The following COL19A1 variants were observed in gnomAD, a reference collection of about 807,000 sequenced individuals.
The protein encoded by COL19A1 is collagen alpha-1(XIX) chain.
Under a neutral mutation model 190.2 loss-of-function variants are expected in COL19A1, and 159 were observed. The ratio of observed to expected loss-of-function variants is 0.84; its 90% CI spans 0.73 to 0.95. The LOEUF (loss-of-function observed/expected upper bound fraction) is 0.95. Ranked by LOEUF, COL19A1 falls within the 40% of genes least tolerant of loss-of-function variation. The pLI, the probability that COL19A1 is intolerant of heterozygous loss-of-function variation, is 0.00. For missense variants in COL19A1, 1,418 were observed against 1,431.9 expected (o/e 0.99, Z 0.16); for synonymous variants, 509 against 458.9 (o/e 1.11, Z -1.39).
At chr6:70,170,286 A>G (rs1765420196) in intron 40 of COL19A1, among the ~76,000 whole-genome samples, 1 of 152,130 alleles carries the variant, frequency 6.6e-6, no homozygotes, top group South Asian at 2.1e-4. Flanking sequence ...GGGAAAAATA[A>G]TAGTTCCTGC....
At chr6:70,007,335 A>G (rs2150090765) in intron 11 of COL19A1, among the ~76,000 whole-genome samples, 1 of 152,214 alleles carries the variant, frequency 6.6e-6, no homozygotes, top group African/African-American at 2.4e-5. Context: ...TCTACAAGAG[A>G]TATGGATGAG....
chr6:70,112,410 T>C (rs1456913050), intron 16 of COL19A1, among the ~76,000 whole-genome samples: 2 of 152,192 alleles, frequency 1.3e-5, no homozygotes, highest in Non-Finnish European at 2.9e-5. Context: ...CAAATAATAT[T>C]TTTCCTTTTT....
At chr6:70,161,171 A>G (rs1049339119) in intron 34 of COL19A1, among the ~76,000 whole-genome samples, 1 of 152,182 alleles carries the variant, frequency 6.6e-6, no homozygotes, top group Admixed American at 6.6e-5. Context: ...CCAAATTTAA[A>G]TTCACCAGTG....
rs1766410370 is a variant in COL19A1 at position 70,184,892 on chromosome 6, G to A, written c.2833G>A (p.Asp945Asn). ...TCAGGGCATCATGGGTAAGCCTGGAGACAGAGGCCCCAAAGGAGAACGTGT... is the reference window on the plus strand; with the variant it reads ...TCAGGGCATCATGGGTAAGCCTGGAAACAGAGGCCCCAAAGGAGAACGTGT... ...GAQGIMGKPGDRGPKGERGDQ... is the reference protein window; with the variant it reads ...GAQGIMGKPGNRGPKGERGDQ... The change falls in exon 46 of 51, where the codon GAC (aspartate) becomes AAC (asparagine). Residue 945 changes from aspartate to asparagine, a missense_variant. By Grantham distance (23) the Asp-to-Asn change is conservative. Coordinates refer to ENST00000620364, the MANE Select transcript of COL19A1 (RefSeq NM_001858.6). 3 of 1,613,284 alleles carry A rather than the reference G, an allele frequency of 1.9e-6. No homozygotes were observed. The highest frequency in any genetic ancestry group is 2.5e-6 in the Non-Finnish European group (3 of 1,179,648).
At chr6:70,076,578 G>A (rs1352344718) in intron 15 of COL19A1, among the ~76,000 whole-genome samples, 1 of 152,160 alleles carries the variant, frequency 6.6e-6, no homozygotes, top group Non-Finnish European at 1.5e-5. Flanking sequence ...ACCAGGGGGA[G>A]AGTCAGAACT....
chr6:70,171,768 G>A (rs1282414067), intron 40 of COL19A1, among the ~76,000 whole-genome samples, 196 bp from the exon 41 acceptor site: 2 of 152,150 alleles, frequency 1.3e-5, no homozygotes, highest in African/African-American at 2.4e-5. Context: ...CTGGAGAATA[G>A]CTTTTATTCT....
At chr6:70,078,499 C>A (rs532966171) in intron 15 of COL19A1, among the ~76,000 whole-genome samples, 1 of 152,154 alleles carries the variant, frequency 6.6e-6, no homozygotes. Flanking sequence ...AAGCAAGGGG[C>A]GAGGCTTGCC....
intron 9 of COL19A1, among the ~76,000 whole-genome samples, chr6:69,940,073 T>TG (rs941902314): frequency 6.9e-6 from 1 of 145,846 alleles, no homozygotes; most frequent in Admixed American, 6.8e-5. Flanking sequence ...CCCTGCCCAC[T>TG]GAAAAAAAAA....
chr6:70,166,375 A>G (rs1474964221), intron 37 of COL19A1, among the ~76,000 whole-genome samples: 1 of 152,256 alleles, frequency 6.6e-6, no homozygotes. Flanking sequence ...ATATTATGCT[A>G]TATGTGTTCA....
intron 14 of COL19A1, among the ~76,000 whole-genome samples, chr6:70,043,616 A>G (rs1779748775): frequency 6.6e-6 from 1 of 152,260 alleles, no homozygotes; most frequent in South Asian, 2.1e-4. Flanking sequence ...CATCACCATC[A>G]GAGCCCTTGG....
intron 31 of COL19A1, among the ~76,000 whole-genome samples, chr6:70,152,093 T>TA (rs1787099973): frequency 6.6e-6 from 1 of 151,858 alleles, no homozygotes; most frequent in African/African-American, 2.4e-5. Context: ...TAATGGCACA[T>TA]ATGTAAGGGT....
chr6:70,206,509 G>A (rs758926397), intron 49 of COL19A1, among the ~76,000 whole-genome samples: 43 of 152,084 alleles, frequency 2.8e-4, no homozygotes, highest in Non-Finnish European at 5.0e-4. Context: ...TTGAGTGCTT[G>A]TAATTCCAGC....
rs773982557 is a variant in COL19A1, at chr6:70,166,039, A to G, written c.2445+54A>G. Reference sequence around the variant, plus strand: ...ATTCATGTGTTTACTTAAGACTTTTATAACTCAGAGGTAAGACTACATTTA... The same window carrying G: ...ATTCATGTGTTTACTTAAGACTTTTGTAACTCAGAGGTAAGACTACATTTA... On this transcript the variant is annotated intron_variant, in intron 37 of 50. Coordinates refer to ENST00000620364, the MANE Select transcript of COL19A1 (RefSeq NM_001858.6). 3 of 1,442,298 alleles carry G rather than the reference A, an allele frequency of 2.1e-6. No individual in the cohort carries two copies. In the South Asian group the frequency reaches 3.4e-5, roughly 16 times the overall value. 89.3% of individuals were successfully genotyped at this position (1,442,298 alleles called of 1,614,324 possible).
chr6:69,907,109 T>TATTA (rs199920058), intron 4 of COL19A1, among the ~76,000 whole-genome samples: 1 of 107,936 alleles, frequency 9.3e-6, no homozygotes. Context: ...TTATTATTAT[T>TATTA]TTTTTTTTTT....
chr6:69,870,925 G>A (rs1298312174), intron 1 of COL19A1, among the ~76,000 whole-genome samples: 2 of 152,104 alleles, frequency 1.3e-5, no homozygotes, highest in Non-Finnish European at 2.9e-5. Flanking sequence ...TATGGGGTGA[G>A]GGTGAATAAA....
chr6:70,053,943 T>G (rs1780355631), intron 14 of COL19A1, among the ~76,000 whole-genome samples: 1 of 152,220 alleles, frequency 6.6e-6, no homozygotes, highest in Admixed American at 6.5e-5. Context: ...AAGGATCCAC[T>G]CTGGCATTTT....
intron 4 of COL19A1, among the ~76,000 whole-genome samples, chr6:69,921,623 T>C (rs1223716740): frequency 6.9e-6 from 1 of 144,180 alleles, no homozygotes; most frequent in Non-Finnish European, 1.5e-5. Flanking sequence ...CGTATACGTA[T>C]ATAGATTCGT....
At chr6:70,152,154 G>A (rs1403105921) in intron 31 of COL19A1, among the ~76,000 whole-genome samples, 1 of 152,016 alleles carries the variant, frequency 6.6e-6, no homozygotes, top group Non-Finnish European at 1.5e-5. Flanking sequence ...GAGGCCACAT[G>A]AAAATCAGGC....
chr6:70,080,331 T>C (rs1782171332), intron 15 of COL19A1, among the ~76,000 whole-genome samples: 1 of 152,152 alleles, frequency 6.6e-6, no homozygotes, highest in South Asian at 2.1e-4. Context: ...AACTAAACGA[T>C]GGTGAAAGGG....
Sources: allele counts gnomAD v4.1 joint callset (sites outside exome capture counted in the v4.1 genomes callset), GRCh38; gene constraint gnomAD v4.1.1; transcripts MANE v1.5; gene names NCBI Gene and HGNC (gene_info 2026-07-23, HGNC 2026-07-21).